ITSN1: variants seen among roughly 807,000 people sequenced by gnomAD.
The protein encoded by ITSN1 is intersectin-1.
A neutral mutation model predicts 239.8 loss-of-function variants in ITSN1; 58 were observed. The observed-to-expected ratio is 0.24, with a 90% CI of 0.20 to 0.30. The LOEUF is 0.30. Among genes scored for constraint, ITSN1 ranks in the 10% least tolerant of loss-of-function variants. ITSN1 has a pLI of 1.00. For missense variants in ITSN1, 1,558 were observed against 2,103.3 expected (o/e 0.74, Z 5.07); for synonymous variants, 780 against 770.8 (o/e 1.01, Z -0.20).
At chr21:33,867,461 G>A (rs1981805496) in intron 33 of ITSN1, 130 bp downstream of exon 33, 1 of 642,454 alleles carries the variant, frequency 1.6e-6, no homozygotes, top group African/African-American at 1.8e-5. Context: ...ACAACAAGGT[G>A]TCACAGAGGT....
intron 29 of ITSN1, among the ~76,000 whole-genome samples, chr21:33,855,399 C>T (rs945768763): frequency 6.6e-6 from 1 of 152,222 alleles, no homozygotes; most frequent in African/African-American, 2.4e-5. Flanking sequence ...CCATTGTGCC[C>T]CCTTGAGGGG....
intron 20 of ITSN1, among the ~76,000 whole-genome samples, chr21:33,807,685 C>A (rs1342934865): frequency 6.6e-6 from 1 of 152,074 alleles, no homozygotes; most frequent in Non-Finnish European, 1.5e-5. Flanking sequence ...GATCATGGGA[C>A]ATAATTAAGC....
chr21:33,702,430 A>G (rs2146832904), intron 1 of ITSN1, among the ~76,000 whole-genome samples: 1 of 152,276 alleles, frequency 6.6e-6, no homozygotes, highest in South Asian at 2.1e-4. Context: ...AAAATTTGAA[A>G]ATTTTCAAAC....
chr21:33,698,532 A>C (rs1358124578), intron 1 of ITSN1, among the ~76,000 whole-genome samples: 1 of 152,200 alleles, frequency 6.6e-6, no homozygotes, highest in African/African-American at 2.4e-5. Flanking sequence ...TTACTTATGA[A>C]CAAGCTGCAT....
chr21:33,746,707 T>C (rs1412689344), intron 5 of ITSN1, among the ~76,000 whole-genome samples: 1 of 151,186 alleles, frequency 6.6e-6, no homozygotes, highest in African/African-American at 2.4e-5. Flanking sequence ...CTGGACATGA[T>C]GGCAGGCGCC....
At chr21:33,820,874 G>A (rs963335433) in intron 24 of ITSN1, among the ~76,000 whole-genome samples, 3 of 152,098 alleles carry the variant, frequency 2.0e-5, no homozygotes, top group Admixed American at 6.6e-5. Flanking sequence ...AAAAACTTTG[G>A]TGTGTTACAT....
At chr21:33,846,000 T>A (rs1282333131) in intron 29 of ITSN1, among the ~76,000 whole-genome samples, 1 of 152,014 alleles carries the variant, frequency 6.6e-6, no homozygotes, top group Non-Finnish European at 1.5e-5. Flanking sequence ...TCCCCCAGCC[T>A]TAGAGACTGA....
chr21:33,679,422 G>A (rs1033552613), intron 1 of ITSN1, among the ~76,000 whole-genome samples: 1 of 152,052 alleles, frequency 6.6e-6, no homozygotes, highest in African/African-American at 2.4e-5. Flanking sequence ...CACTATTTTA[G>A]TTTTTGGCTA....
chr21:33,703,128 C>T (rs1033971411), intron 1 of ITSN1, among the ~76,000 whole-genome samples: 6 of 146,534 alleles, frequency 4.1e-5, no homozygotes, highest in Non-Finnish European at 7.5e-5. Context: ...CACATATATA[C>T]GTATATATAA....
intron 1 of ITSN1, among the ~76,000 whole-genome samples, chr21:33,706,818 G>A (rs1000258936): frequency 1.3e-5 from 2 of 152,070 alleles, no homozygotes; most frequent in Non-Finnish European, 2.9e-5. Context: ...TGCCTTCTGG[G>A]TTCAAGTGAT....
chr21:33,690,700 G>A (rs1166739161), intron 1 of ITSN1, among the ~76,000 whole-genome samples: 1 of 142,590 alleles, frequency 7.0e-6, no homozygotes, highest in Non-Finnish European at 1.5e-5. Context: ...GGTGGAGGTT[G>A]CAGTGAGCTG....
At chr21:33,722,475 T>G in intron 3 of ITSN1, 113 bp from the exon 4 acceptor site, 1 of 1,303,566 alleles carries the variant, frequency 7.7e-7, no homozygotes. Flanking sequence ...ACTCAACTGG[T>G]ATTTATAGTA....
intron 4 of ITSN1, among the ~76,000 whole-genome samples, chr21:33,733,895 AC>A (rs1335784672): frequency 2.0e-5 from 3 of 152,168 alleles, no homozygotes; most frequent in African/African-American, 7.2e-5. Context: ...AATCTTGATC[AC>A]TTTTAGAGAT....
At chr21:33,702,992 G>A (rs148144975) in intron 1 of ITSN1, among the ~76,000 whole-genome samples, 1,880 of 151,968 alleles carry the variant, frequency 0.012, 13 homozygotes, top group Middle Eastern at 0.031. Context: ...TGGAAAAATC[G>A]CTTGAACTTG....
chr21:33,716,121 A>G (rs2065124014), intron 1 of ITSN1, among the ~76,000 whole-genome samples: 1 of 152,146 alleles, frequency 6.6e-6, no homozygotes. Flanking sequence ...AGCATGCCCC[A>G]GGGATATCTT....
Position 33,811,070 on chromosome 21 carries a change from A to C in ITSN1, c.2415A>C (p.Pro805=), listed in dbSNP as rs761619503. The change falls in exon 21 of 40, where the codon CCA becomes CCC. Residue 805 remains proline, a synonymous_variant. Coordinates refer to ENST00000381318, the MANE Select transcript of ITSN1 (RefSeq NM_003024.3). ...CTGCAAACTATGCAGAGAAAATCCC[A>C]GAAAATGAGGTTCCCGCTCCAGTGA... ...WFPANYAEKI[P]ENEVPAPVKP... The C allele has an allele frequency of 6.2e-6, 10 of 1,614,238 alleles. No homozygotes were observed. Among genetic ancestry groups the C allele is most frequent in the Non-Finnish European group, 8.5e-6 (10 of 1,180,026 alleles).
At chr21:33,776,772 T>TA (rs2069663458) in intron 14 of ITSN1, among the ~76,000 whole-genome samples, 3 of 150,720 alleles carry the variant, frequency 2.0e-5, no homozygotes, top group South Asian at 4.1e-4. Flanking sequence ...CTGTTTGTCT[T>TA]ACTATTTACT....
intron 38 of ITSN1, 144 bp from the exon 39 acceptor site, chr21:33,886,143 T>A: frequency 1.6e-6 from 1 of 616,768 alleles, no homozygotes. Context: ...GCTCAGGAGG[T>A]GGAGGTTGCA....
intron 16 of ITSN1, among the ~76,000 whole-genome samples, chr21:33,794,048 C>T (rs958548683): frequency 1.3e-5 from 2 of 152,154 alleles, no homozygotes; most frequent in African/African-American, 4.8e-5. Context: ...GATTGCTGAG[C>T]CTTTAGCAGC....
Sources: allele counts gnomAD v4.1 joint callset (sites outside exome capture counted in the v4.1 genomes callset), GRCh38; gene constraint gnomAD v4.1.1; transcripts MANE v1.5; gene names NCBI Gene and HGNC (gene_info 2026-07-23, HGNC 2026-07-21).